Variants in VAV2 observed in about 807,000 individuals in gnomAD.
VAV2 encodes vav guanine nucleotide exchange factor 2.
In VAV2, 67 loss-of-function variants were observed where a neutral mutation model predicts 132.5. The observed-to-expected ratio is 0.51, with a 90% CI of 0.42 to 0.62. The LOEUF is 0.62. Among genes scored for constraint, VAV2 ranks in the 20% least tolerant of loss-of-function variants. The pLI is 0.00. For synonymous variants in VAV2, 492 were observed against 443.5 expected (o/e 1.11, Z -1.37); for missense variants, 938 against 1,153.6 (o/e 0.81, Z 2.71).
chr9:133,941,660 T>C (rs1023459898), intron 1 of VAV2, among the ~76,000 whole-genome samples: 2 of 147,690 alleles, frequency 1.4e-5, no homozygotes, highest in East Asian at 2.0e-4. Flanking sequence ...TGGAGTGTAA[T>C]GGTGTGATCT....
At position 133,871,345 on chromosome 9, in the gene VAV2, G is replaced by A. The variant is rs374125149; in HGVS notation, c.322-9913C>T. On this transcript the variant is annotated intron_variant, in intron 2 of 29. Coordinates refer to ENST00000371850, the MANE Select transcript of VAV2 (RefSeq NM_001134398.2). ...GGGGTGGATGGATGAATGGAGGGGC[G>A]GATGGACAGATGGTAAATGGGTGGG... Among the ~76,000 whole-genome samples the A allele has an allele frequency of 5.3e-5, 8 of 151,102 alleles. No individual in the cohort carries two copies. In the South Asian group the frequency reaches 6.3e-4, roughly 12 times the overall value.
At chr9:133,916,424 G>A (rs574535411) in intron 2 of VAV2, among the ~76,000 whole-genome samples, 79 of 152,278 alleles carry the variant, frequency 5.2e-4, no homozygotes, top group African/African-American at 1.6e-3. Context: ...ACGAGGGCCC[G>A]GGCGCACAGG....
At chr9:133,821,041 A>T (rs1362980762) in intron 4 of VAV2, among the ~76,000 whole-genome samples, 1 of 152,152 alleles carries the variant, frequency 6.6e-6, no homozygotes, top group Non-Finnish European at 1.5e-5. Flanking sequence ...CCAGTCCTTG[A>T]AAAGCACCTC....
At chr9:133,774,418 C>T (rs540181209) in intron 25 of VAV2, among the ~76,000 whole-genome samples, 1 of 152,318 alleles carries the variant, frequency 6.6e-6, no homozygotes, top group African/African-American at 2.4e-5. Context: ...GGGTCGGTCT[C>T]CTGGAGAGTT....
chr9:133,940,009 A>G (rs1401403357), intron 1 of VAV2, among the ~76,000 whole-genome samples: 7 of 152,252 alleles, frequency 4.6e-5, no homozygotes, highest in Admixed American at 3.9e-4. Context: ...CCATCTGCCC[A>G]GTCCTCGTGG....
chr9:133,822,538 C>T (rs1276576589), intron 4 of VAV2, among the ~76,000 whole-genome samples: 5 of 152,184 alleles, frequency 3.3e-5, no homozygotes, highest in South Asian at 2.1e-4. Flanking sequence ...TGTTCTCACA[C>T]GCCCTGGCAG....
At chr9:133,986,155 T>G (rs1239704924) in intron 1 of VAV2, among the ~76,000 whole-genome samples, 1 of 152,082 alleles carries the variant, frequency 6.6e-6, no homozygotes, top group Non-Finnish European at 1.5e-5. Flanking sequence ...TCAAGCAAAC[T>G]CCACCTTCAC....
At chr9:133,842,744 G>A (rs567536749) in intron 3 of VAV2, among the ~76,000 whole-genome samples, 398 of 152,334 alleles carry the variant, frequency 2.6e-3, no homozygotes, top group Non-Finnish European at 4.0e-3. Context: ...TCACCCAGGC[G>A]GAGGCCATAG....
In VAV2 at chr9:133,834,658, G is replaced by A. The variant is rs576776972; in HGVS notation, c.381-318C>T. ...TGCAGAAAGCGTTCATCTGCTGGGC[G>A]ACCTGCCTTCCCCTTTACCCACCCT... On this transcript the variant is annotated intron_variant, in intron 3 of 29. Coordinates refer to ENST00000371850, the MANE Select transcript of VAV2 (RefSeq NM_001134398.2). This position sits in a 1 kb window ranked among gnomAD's most constrained non-coding sequence, Gnocchi z 5.9. Among the ~76,000 whole-genome samples, 7 of 152,348 alleles carry A rather than the reference G, an allele frequency of 4.6e-5. No homozygotes were observed. The highest frequency in any genetic ancestry group is 3.4e-3 in the Middle Eastern group (1 of 294).
intron 3 of VAV2, among the ~76,000 whole-genome samples, chr9:133,855,322 G>A (rs1220628521): frequency 2.0e-5 from 3 of 152,252 alleles, no homozygotes; most frequent in African/African-American, 7.2e-5. Context: ...CTCCGGCTGA[G>A]ATGTCTCACA....
rs10541639 is a variant in VAV2, at chr9:133,964,022, C to CATATATATATAT, written c.205-24815_205-24804dup. 1.2e-3 allele frequency among the ~76,000 whole-genome samples: 110 copies of CATATATATATAT among 93,832 alleles called. 1 individual carries two copies. The highest frequency in any genetic ancestry group is 1.8e-3 in the African/African-American group (45 of 24,934). 61.6% of individuals were successfully genotyped at this position (93,832 alleles called of 152,430 possible). ...TAAACTTTAAAAAAAATTATTCATT[C>CATATATATATAT]ATATATATATATATATATATATATA... On this transcript the variant is annotated intron_variant, in intron 1 of 29. Coordinates refer to ENST00000371850, the MANE Select transcript of VAV2 (RefSeq NM_001134398.2).
At chr9:133,783,739 A>AC in intron 18 of VAV2, 148 bp from the exon 19 acceptor site, 1 of 691,528 alleles carries the variant, frequency 1.4e-6, no homozygotes, top group East Asian at 2.7e-5. Context: ...AGTATCCAGG[A>AC]CCCTCCCTTA....
At chr9:133,880,787 G>A (rs1564431299) in intron 2 of VAV2, among the ~76,000 whole-genome samples, 1 of 152,324 alleles carries the variant, frequency 6.6e-6, no homozygotes, top group South Asian at 2.1e-4. Context: ...TCTCAATTTT[G>A]CTAAGTCTAA....
rs55754828 is a variant in VAV2 at position 133,785,968 on chromosome 9, C to T, written c.1423-83G>A. Reference sequence around the variant, plus strand: ...ATGTCCACGTGTACTCTCGCCTGTGCAGCATGTGCACGTGTGTATATGCAT... The same window carrying T: ...ATGTCCACGTGTACTCTCGCCTGTGTAGCATGTGCACGTGTGTATATGCAT... On this transcript the variant is annotated intron_variant, in intron 16 of 29. Transcript: ENST00000371850. The T allele has an allele frequency of 4.1e-4, 512 of 1,248,650 alleles. 4 individuals are homozygous for T. In the East Asian group the frequency reaches 0.011, roughly 28 times the overall value. 77.3% of individuals were successfully genotyped at this position (1,248,650 alleles called of 1,614,324 possible). A position where few individuals can be genotyped will look rare whatever the true frequency, so the allele number is the denominator to read the frequency against.
chr9:133,772,564 C>T (rs1287194337), intron 25 of VAV2, among the ~76,000 whole-genome samples: 1 of 152,180 alleles, frequency 6.6e-6, no homozygotes, highest in Non-Finnish European at 1.5e-5. Context: ...TATGTCCTCA[C>T]GTCTCAATTC....
rs1841528804 is a variant in VAV2, at chr9:133,950,687, G to A, written c.205-11468C>T. On this transcript the variant is annotated intron_variant, in intron 1 of 29. Coordinates refer to ENST00000371850, the MANE Select transcript of VAV2 (RefSeq NM_001134398.2). ...TCCTACTCTCTGGCCACCTGGCTCT[G>A]AGCAATTAGCCCAGACGCACGCCTG... 2.0e-5 allele frequency among the ~76,000 whole-genome samples: 3 copies of A among 152,188 alleles called. No individual in the cohort carries two copies. In the South Asian group the frequency reaches 6.2e-4, roughly 32 times the overall value.
rs1262707721 is a variant in VAV2, at chr9:133,794,170, G to A, written c.1101+1498C>T. 1.3e-5 allele frequency among the ~76,000 whole-genome samples: 2 copies of A among 152,130 alleles called. No individual in the cohort carries two copies. The highest frequency in any genetic ancestry group is 4.8e-5 in the African/African-American group (2 of 41,414). Reference sequence around the variant, plus strand: ...CACTGCACCTGCTGTCACTGTCTCAGAGCCCCCGAGGACGCATCCACGCTG... The same window carrying A: ...CACTGCACCTGCTGTCACTGTCTCAAAGCCCCCGAGGACGCATCCACGCTG... On this transcript the variant is annotated intron_variant, in intron 12 of 29. Transcript: ENST00000371850. The surrounding 1 kb of genome is among the most constrained non-coding windows in gnomAD (Gnocchi z 4.6).
intron 2 of VAV2, among the ~76,000 whole-genome samples, chr9:133,866,614 G>A (rs986009626): frequency 2.0e-5 from 3 of 152,118 alleles, no homozygotes; most frequent in Non-Finnish European, 4.4e-5. Context: ...GACCAGCCTG[G>A]CCAACATGGT....
rs1333289903 is a variant in VAV2, at chr9:133,991,912, G to T, written c.204+163C>A. Among the ~76,000 whole-genome samples the T allele has an allele frequency of 6.6e-6, 1 of 150,472 alleles. No homozygotes were observed. Among genetic ancestry groups the T allele is most frequent in the Non-Finnish European group, 1.5e-5 (1 of 67,466 alleles). On this transcript the variant is annotated intron_variant, in intron 1 of 29. Coordinates refer to ENST00000371850, the MANE Select transcript of VAV2 (RefSeq NM_001134398.2). This position sits in a 1 kb window ranked among gnomAD's most constrained non-coding sequence, Gnocchi z 4.8. ...TTCGCGCCTCCTGAGGTCGCGTCTC[G>T]GAGGCCCGGGGCGCACCCTCCAGCC... is the stretch of plus-strand genomic sequence containing the variant.
Sources: gnomAD v4.1 joint callset for allele counts (sites outside exome capture counted in the v4.1 genomes callset) on GRCh38, gnomAD v4.1.1 for gene constraint, Gnocchi (gnomAD v3.1) non-coding constraint, MANE v1.5 for transcripts, NCBI Gene and HGNC (gene_info 2026-07-23, HGNC 2026-07-21) for gene names.